ACTR8: variants seen among roughly 807,000 people sequenced by gnomAD.
ACTR8 encodes actin-related protein 8.
In ACTR8, 70 loss-of-function variants were observed where a neutral mutation model predicts 84.3. That is an observed-to-expected ratio of 0.83 (90% confidence interval 0.68 to 1.01). ACTR8 has a LOEUF of 1.01. Among genes scored for constraint, ACTR8 ranks in the 50% least tolerant of loss-of-function variants. The pLI is 0.00. For synonymous variants in ACTR8, 268 were observed against 275.2 expected (o/e 0.97, Z 0.26); for missense variants, 672 against 775.4 (o/e 0.87, Z 1.58).
At chr3:53,879,878 G>C (rs1018090027) in intron 2 of ACTR8, 61 bp downstream of exon 2, 15 of 1,445,312 alleles carry the variant, frequency 1.0e-5, no homozygotes, top group Non-Finnish European at 1.4e-5. Context: ...TGGTGTACTT[G>C]TGTCTAAGCC....
chr3:53,862,882 A>G (rs1426078669), downstream of ACTR8, among the ~76,000 whole-genome samples: 1 of 152,128 alleles, frequency 6.6e-6, no homozygotes, highest in Non-Finnish European at 1.5e-5. Flanking sequence ...AGAAATTATG[A>G]TGTCTTTCTG....
At chr3:53,874,179 A>T (rs1394957904) in intron 8 of ACTR8, 32 bp downstream of exon 8, 1 of 1,580,588 alleles carries the variant, frequency 6.3e-7, no homozygotes. Flanking sequence ...CCTAGAAACA[A>T]AAATAATCAG....
chr3:53,871,518 A>C, intron 10 of ACTR8, 22 bp from the exon 11 acceptor site: 6 of 1,612,654 alleles, frequency 3.7e-6, no homozygotes, highest in Non-Finnish European at 5.1e-6. Flanking sequence ...AAGGACAATC[A>C]AGTATGTGGT....
chr3:53,864,451 C>T (rs985314178), downstream of ACTR8, among the ~76,000 whole-genome samples: 3 of 152,038 alleles, frequency 2.0e-5, no homozygotes, highest in African/African-American at 7.2e-5. Flanking sequence ...AGGAGAATGG[C>T]GTGAACCCAG....
intron 10 of ACTR8, among the ~76,000 whole-genome samples, chr3:53,872,178 C>G (rs879420923): frequency 1.3e-5 from 2 of 152,204 alleles, no homozygotes; most frequent in Non-Finnish European, 2.9e-5. Flanking sequence ...AATGTATGGA[C>G]TAGCATTCAG....
At chr3:53,881,817 C>G in intron 1 of ACTR8, 162 bp downstream of exon 1, 1 of 1,222,470 alleles carries the variant, frequency 8.2e-7, no homozygotes, top group Non-Finnish European at 1.1e-6. Flanking sequence ...CTCGGCGTCC[C>G]GGCGCGCCAC....
Position 53,875,582 on chromosome 3 carries a change from CT to C in ACTR8, c.911+365del. 1.3e-5 allele frequency among the ~76,000 whole-genome samples: 2 copies of C among 152,342 alleles called. 1 individual carries two copies. Among genetic ancestry groups the C allele is most frequent in the South Asian group, 4.1e-4 (2 of 4,828 alleles). On this transcript the variant is annotated intron_variant, in intron 7 of 12. Transcript: ENST00000335754. ...TCAGATTGAAAAGGTCGATTTTCTC[CT>C]ACATGACTTGCCTAAATAAAGCTCT...
the ACTR8 span, chr3:53,860,001 C>T: frequency 4.5e-6 from 3 of 660,274 alleles, no homozygotes; most frequent in Non-Finnish European, 5.0e-6. Context: ...CAAAGCGAGA[C>T]TCTGTCTCAA....
At position 53,870,701 on chromosome 3, in the gene ACTR8, C is replaced by T. The variant is rs180913154; in HGVS notation, c.1567+531G>A. 3.3e-5 allele frequency among the ~76,000 whole-genome samples: 5 copies of T among 152,206 alleles called. No individual in the cohort carries two copies. The highest frequency in any genetic ancestry group is 3.9e-4 in the East Asian group (2 of 5,162). On this transcript the variant is annotated intron_variant, in intron 11 of 12. Transcript: ENST00000335754. The surrounding 1 kb of genome is among the most constrained non-coding windows in gnomAD (Gnocchi z 4.1). ...ACCCACAAGATCCACTACGGGTGGT[C>T]GTCCCCTGCTTCTCTAGCCTCATCC... is the stretch of plus-strand genomic sequence containing the variant.
chr3:53,874,105 TG>T (rs1403839337), intron 8 of ACTR8, 105 bp downstream of exon 8: 1 of 1,199,508 alleles, frequency 8.3e-7, no homozygotes, highest in Non-Finnish European at 1.1e-6. Flanking sequence ...ATTACAGGCA[TG>T]AGCCACCGTG....
intron 1 of ACTR8, chr3:53,881,726 A>C (rs920110724): frequency 3.4e-6 from 2 of 592,666 alleles, no homozygotes; most frequent in African/African-American, 3.8e-5. Flanking sequence ...GCACACAACC[A>C]GACGGTGGGG....
chr3:53,863,531 A>C (rs1328909400), downstream of ACTR8, among the ~76,000 whole-genome samples: 1 of 152,246 alleles, frequency 6.6e-6, no homozygotes, highest in Non-Finnish European at 1.5e-5. Context: ...CCTGGACCTC[A>C]GGAATTCTTA....
In ACTR8 at chr3:53,870,273, A is replaced by G. The variant is rs1163227238; in HGVS notation, c.1568-128T>C. 2 of 1,088,718 alleles carry G rather than the reference A, an allele frequency of 1.8e-6. No individual in the cohort carries two copies. Among genetic ancestry groups the G allele is most frequent in the East Asian group, 4.8e-5 (2 of 41,624 alleles). The allele number at this position is 1,088,718 out of a possible 1,614,324, so 67.4% of individuals were successfully genotyped here. Reference sequence around the variant, plus strand: ...AAGATTTCCCTCCAGCCCACCCTCCACACTGCAGCCAGGGGAACCCTACGA... The same window carrying G: ...AAGATTTCCCTCCAGCCCACCCTCCGCACTGCAGCCAGGGGAACCCTACGA... On this transcript the variant is annotated intron_variant, in intron 11 of 12. Transcript: ENST00000335754. The surrounding 1 kb of genome is among the most constrained non-coding windows in gnomAD (Gnocchi z 4.1).
In ACTR8 at chr3:53,881,974, C is replaced by T. The variant is rs1391182846; in HGVS notation, c.123+5G>A. 2 of 1,555,240 alleles carry T rather than the reference C, an allele frequency of 1.3e-6. No individual in the cohort carries two copies. Among genetic ancestry groups the T allele is most frequent in the Non-Finnish European group, 8.7e-7 (1 of 1,148,624 alleles). On this transcript the variant is annotated splice_donor_5th_base_variant and intron_variant, in intron 1 of 12. Coordinates refer to ENST00000335754, the MANE Select transcript of ACTR8 (RefSeq NM_022899.5). The stretch of plus-strand genomic sequence containing the variant: ...CAAAGAGTTCCAACCCAGCCAGAGC[C>T]GCACCTCTTGCAGCGACTCCGGCAC...
chr3:53,864,037 G>A (rs986292984), downstream of ACTR8, among the ~76,000 whole-genome samples: 1 of 151,958 alleles, frequency 6.6e-6, no homozygotes, highest in African/African-American at 2.4e-5. Context: ...TGCCCTGGCT[G>A]GTCTGGAACT....
intron 7 of ACTR8, among the ~76,000 whole-genome samples, chr3:53,874,902 G>A (rs946322494): frequency 6.6e-6 from 1 of 152,176 alleles, no homozygotes; most frequent in Non-Finnish European, 1.5e-5. Context: ...TTTGCAAAAT[G>A]TATCTGAGAA....
chr3:53,860,552 T>C, the ACTR8 span: 1 of 190,186 alleles, frequency 5.3e-6, no homozygotes, highest in East Asian at 1.3e-4. Context: ...TCTATGCTAG[T>C]TCCTGTTTTT....
In ACTR8 at chr3:53,881,325, G is replaced by C. The variant is rs56815433; in HGVS notation, c.123+654C>G. Among the ~76,000 whole-genome samples, 40 of 152,274 alleles carry C rather than the reference G, an allele frequency of 2.6e-4. No individual in the cohort carries two copies. The East Asian group carries it at 6.4e-3, about 24-fold the overall frequency. On this transcript the variant is annotated intron_variant, in intron 1 of 12. Transcript: ENST00000335754. The stretch of plus-strand genomic sequence containing the variant: ...GTTTTCCTACGTGAATGCTGTTTTA[G>C]TTACTGATCAGTAAGGTTTTGTGTA...
intron 5 of ACTR8, 61 bp downstream of exon 5, chr3:53,877,153 G>T: frequency 6.8e-7 from 1 of 1,470,342 alleles, no homozygotes; most frequent in Non-Finnish European, 9.2e-7. Context: ...ACTCGGTAAC[G>T]TGTACTTTCA....
Sources: allele counts gnomAD v4.1 joint callset (sites outside exome capture counted in the v4.1 genomes callset), GRCh38; gene constraint gnomAD v4.1.1; non-coding constraint Gnocchi (gnomAD v3.1); transcripts MANE v1.5; gene names NCBI Gene and HGNC (gene_info 2026-07-23, HGNC 2026-07-21).